The following FRMD4B variants were observed in gnomAD, a reference collection of about 807,000 sequenced individuals.
FRMD4B encodes the protein FERM domain containing 4B, also known as FERM domain-containing protein 4B.
In FRMD4B, 74 loss-of-function variants were observed where a neutral mutation model predicts 141.5. That is an observed-to-expected ratio of 0.52 (90% CI 0.43 to 0.63). The LOEUF (loss-of-function observed/expected upper bound fraction) is 0.63, where lower values mean the gene tolerates loss of function less well. FRMD4B is among the 30% of genes least tolerant of loss of function. FRMD4B has a pLI of 0.00. For synonymous variants in FRMD4B, 506 were observed against 467.9 expected (o/e 1.08, Z -1.05); for missense variants, 1,366 against 1,253.4 (o/e 1.09, Z -1.36).
intron 1 of FRMD4B, among the ~76,000 whole-genome samples, chr3:69,365,509 T>C (rs1703611735): frequency 7.0e-6 from 1 of 142,012 alleles, no homozygotes; most frequent in Non-Finnish European, 1.5e-5. Flanking sequence ...ACCTTTGTTT[T>C]TTTTCTTTTT....
rs1420714938 is a variant in FRMD4B, at chr3:69,540,043, A to G, written c.-129+2163T>C. Among the ~76,000 whole-genome samples the G allele has an allele frequency of 2.0e-5, 3 of 152,284 alleles. No individual in the cohort carries two copies. The East Asian group carries it at 5.8e-4, about 30-fold the overall frequency. On this transcript the variant is annotated intron_variant, in intron 1 of 5. Coordinates refer to the FRMD4B transcript ENST00000459638. ...CCCGGTCTCTACTAAAAATACAAAA[A>G]TTAGCCGGGCTTGGTGGCACATGCC...
chr3:69,290,523 A>G (rs933611558), intron 4 of FRMD4B, among the ~76,000 whole-genome samples: 2 of 152,150 alleles, frequency 1.3e-5, no homozygotes, highest in Non-Finnish European at 2.9e-5. Context: ...AGAACCTTCC[A>G]GTTCAGCTAC....
At chr3:69,209,067 C>T (rs1184925667) in intron 11 of FRMD4B, among the ~76,000 whole-genome samples, 1 of 151,600 alleles carries the variant, frequency 6.6e-6, no homozygotes, top group Non-Finnish European at 1.5e-5. Flanking sequence ...TGGCTCGAAC[C>T]TGGGAGGTGG....
intron 11 of FRMD4B, among the ~76,000 whole-genome samples, chr3:69,213,643 G>A (rs1473135642): frequency 7.0e-6 from 1 of 143,514 alleles, no homozygotes; most frequent in African/African-American, 2.5e-5. Context: ...GTTGAATGAT[G>A]CGCTGTTGTT....
chr3:69,506,647 T>C (rs1575594760), intron 1 of FRMD4B, among the ~76,000 whole-genome samples: 1 of 152,122 alleles, frequency 6.6e-6, no homozygotes, highest in South Asian at 2.1e-4. Context: ...GCAATCCTCC[T>C]GCCTCAGCCT....
chr3:69,416,892 T>C (rs369852631), intron 2 of FRMD4B, among the ~76,000 whole-genome samples: 2 of 152,222 alleles, frequency 1.3e-5, no homozygotes, highest in East Asian at 3.8e-4. Flanking sequence ...CATTCTTTTT[T>C]ATGGCTGCAT....
chr3:69,212,381 G>GAAAAAAAAAA (rs61444871), intron 11 of FRMD4B, among the ~76,000 whole-genome samples: 15 of 95,624 alleles, frequency 1.6e-4, no homozygotes, highest in Non-Finnish European at 1.9e-4. Flanking sequence ...AAAAAAAAAA[G>GAAAAAAAAAA]AAAAAAAAAA....
rs2093535346 is a variant in FRMD4B, at chr3:69,262,625, A to G, written c.502-12526T>C. On this transcript the variant is annotated intron_variant, in intron 5 of 22. Coordinates refer to ENST00000398540, the MANE Select transcript of FRMD4B (RefSeq NM_015123.3). ...CAGGCATGTGCCACCGCGCCTGGCT[A>G]ATTTTGTATTTTTAGTAGAGCTGGG... 2.0e-5 allele frequency among the ~76,000 whole-genome samples: 3 copies of G among 148,728 alleles called. No individual in the cohort carries two copies. In the South Asian group the frequency reaches 6.4e-4, roughly 32 times the overall value.
At chr3:69,192,894 T>C (rs2092854857) in intron 17 of FRMD4B, among the ~76,000 whole-genome samples, 1 of 152,080 alleles carries the variant, frequency 6.6e-6, no homozygotes, top group Non-Finnish European at 1.5e-5. Context: ...CATAGTTCAC[T>C]GCAGCCTCGA....
chr3:69,249,378 C>G (rs1413602110), intron 6 of FRMD4B, 130 bp from the exon 7 acceptor site: 1 of 628,582 alleles, frequency 1.6e-6, no homozygotes, highest in Admixed American at 2.9e-5. Flanking sequence ...CAGGAATGCT[C>G]TCCCTATAGG....
At chr3:69,330,838 C>G (rs1020432774) in intron 1 of FRMD4B, among the ~76,000 whole-genome samples, 25 of 152,142 alleles carry the variant, frequency 1.6e-4, no homozygotes, top group Admixed American at 1.3e-3. Context: ...AGTTGTGTTG[C>G]TGCTATCTTT....
chr3:69,538,870 A>C lies in FRMD4B; in HGVS notation c.-129+3336T>G, dbSNP rs189038673. Among the ~76,000 whole-genome samples, 27 of 152,364 alleles carry C rather than the reference A, an allele frequency of 1.8e-4. No individual in the cohort carries two copies. In the East Asian group the frequency reaches 5.2e-3, roughly 29 times the overall value. On this transcript the variant is annotated intron_variant, in intron 1 of 5. Transcript: ENST00000459638. Reference sequence around the variant, plus strand: ...CTTAGAAATAAATGAATTATCCTCCAAAAGTCTTCCATCTAAAACAAATAA... The same window carrying C: ...CTTAGAAATAAATGAATTATCCTCCCAAAGTCTTCCATCTAAAACAAATAA...
chr3:69,378,819 C>A (rs527510299), intron 1 of FRMD4B, among the ~76,000 whole-genome samples: 145 of 151,392 alleles, frequency 9.6e-4, no homozygotes, highest in Middle Eastern at 3.4e-3. Flanking sequence ...AAAAAAAAAA[C>A]CAAAAAACCC....
At chr3:69,266,867 GAA>G (rs1356975518) in intron 5 of FRMD4B, among the ~76,000 whole-genome samples, 2 of 152,114 alleles carry the variant, frequency 1.3e-5, no homozygotes, top group African/African-American at 4.8e-5. Context: ...AATTACAAAG[GAA>G]AAGGTGACTT....
At chr3:69,500,817 G>A (rs68101185) in intron 1 of FRMD4B, among the ~76,000 whole-genome samples, 17,020 of 152,110 alleles carry the variant, frequency 0.11, 1,395 homozygotes, top group East Asian at 0.3. Flanking sequence ...CCACAGGGGA[G>A]GGAGGAAGTA....
At chr3:69,411,012 A>G (rs1026204508) in intron 2 of FRMD4B, among the ~76,000 whole-genome samples, 1 of 152,086 alleles carries the variant, frequency 6.6e-6, no homozygotes, top group Admixed American at 6.6e-5. Context: ...CATGAGTCCC[A>G]TGGGCCGTAT....
chr3:69,385,239 C>T (rs1022913312), intron 1 of FRMD4B, among the ~76,000 whole-genome samples: 3 of 152,036 alleles, frequency 2.0e-5, no homozygotes, highest in African/African-American at 7.2e-5. Context: ...CAACGTGTAG[C>T]CGGGCCACCC....
rs185902992 is a variant in FRMD4B, at chr3:69,533,871, A to G, written c.-129+8335T>C. 3.6e-4 allele frequency among the ~76,000 whole-genome samples: 55 copies of G among 152,214 alleles called. 1 individual carries two copies. The East Asian group carries it at 9.1e-3, about 25-fold the overall frequency. ...CACCTTCCATGTTCATTCACATCCC[A>G]TGTTCATTCACATCTCCTCTTCCTA... is the stretch of plus-strand genomic sequence containing the variant. On this transcript the variant is annotated intron_variant, in intron 1 of 5. Coordinates refer to the FRMD4B transcript ENST00000459638.
chr3:69,248,072 G>A (rs1008515826), intron 7 of FRMD4B, among the ~76,000 whole-genome samples: 1 of 151,852 alleles, frequency 6.6e-6, no homozygotes, highest in African/African-American at 2.4e-5. Context: ...GATTACAGGC[G>A]TGAGCCACCA....
Sources: gnomAD v4.1 joint callset for allele counts (sites outside exome capture counted in the v4.1 genomes callset) on GRCh38, gnomAD v4.1.1 for gene constraint, MANE v1.5 for transcripts, NCBI Gene and HGNC (gene_info 2026-07-23, HGNC 2026-07-21) for gene names.